USP34: variants seen among roughly 807,000 people sequenced by gnomAD.
The protein encoded by USP34 is ubiquitin specific peptidase 34.
Under a neutral mutation model 460.3 loss-of-function variants are expected in USP34, and 70 were observed. The observed-to-expected ratio is 0.15, with a 90% CI of 0.13 to 0.19. USP34 has a LOEUF of 0.19. USP34 is among the 10% of genes least tolerant of loss of function. USP34 has a pLI of 1.00. For missense variants in USP34, 3,985 were observed against 4,236.2 expected (o/e 0.94, Z 1.65); for synonymous variants, 1,647 against 1,405.3 (o/e 1.17, Z -3.85).
intron 34 of USP34, among the ~76,000 whole-genome samples, chr2:61,287,179 GA>G (rs747952450): frequency 6.6e-6 from 1 of 152,072 alleles, no homozygotes; most frequent in Non-Finnish European, 1.5e-5. Context: ...TTCCAAAAAG[GA>G]AATCTGCTTC....
intron 53 of USP34, among the ~76,000 whole-genome samples, chr2:61,240,163 G>A (rs1688210653): frequency 6.6e-6 from 1 of 152,018 alleles, no homozygotes; most frequent in South Asian, 2.1e-4. Context: ...GTTTTTGGCT[G>A]ACTGAATTCC....
chr2:61,233,853 A>G (rs1185439199), intron 57 of USP34, among the ~76,000 whole-genome samples: 2 of 152,080 alleles, frequency 1.3e-5, no homozygotes, highest in African/African-American at 4.8e-5. Context: ...TAAAAAAAAA[A>G]AAAAAAGTTA....
chr2:61,244,098 A>G (rs1053252303), intron 51 of USP34, among the ~76,000 whole-genome samples: 1 of 152,100 alleles, frequency 6.6e-6, no homozygotes, highest in Non-Finnish European at 1.5e-5. Context: ...CTTTCGGCTA[A>G]GATCAACTAT....
At chr2:61,233,240 A>G (rs1378043502) in intron 57 of USP34, among the ~76,000 whole-genome samples, 2 of 152,146 alleles carry the variant, frequency 1.3e-5, no homozygotes, top group Non-Finnish European at 2.9e-5. Flanking sequence ...AGCACTTGAG[A>G]AACTCTGGAT....
chr2:61,440,759 C>G (rs1159242602), intron 1 of USP34, among the ~76,000 whole-genome samples: 1 of 151,756 alleles, frequency 6.6e-6, no homozygotes, highest in African/African-American at 2.4e-5. Context: ...CTCAGGCAAT[C>G]CGCCTGCCTT....
Position 61,406,055 on chromosome 2 carries a change from A to T in USP34, c.205T>A (p.Leu69Ile). ...FNQVVCALIN[L>I]VIAQVQVLRD... The stretch of plus-strand genomic sequence containing the variant: ...AGCACTTGAACTTGGGCAATCACTA[A>T]GTTAATAAGTGCACACACTACTTGA... Residue 69 changes from leucine (L) to isoleucine (I), a missense_variant, in exon 3 of 80, where the codon TTA becomes ATA. Leu to Ile is a conservative substitution (Grantham distance 5). This residue lies in a region of USP34 where 331 missense variants were observed against 293.7 expected (regional missense o/e 1.13). Transcript: ENST00000398571. 1 of 1,613,864 alleles carries T rather than the reference A, an allele frequency of 6.2e-7. No individual in the cohort carries two copies. The highest frequency in any genetic ancestry group is 1.3e-5 in the African/African-American group (1 of 74,962).
chr2:61,229,749 T>C, intron 58 of USP34, 116 bp from the exon 59 acceptor site: 1 of 820,048 alleles, frequency 1.2e-6, no homozygotes. Flanking sequence ...AAGATTATCT[T>C]GGTATTCTGG....
chr2:61,444,611 T>C lies in USP34; in HGVS notation c.44-23778A>G, dbSNP rs553641348. Among the ~76,000 whole-genome samples, 24 of 152,240 alleles carry C rather than the reference T, an allele frequency of 1.6e-4. No homozygotes were observed. In the South Asian group the frequency reaches 4.8e-3, roughly 30 times the overall value. On this transcript the variant is annotated intron_variant, in intron 1 of 79. Transcript: ENST00000398571. ...AAAATCAGATGCGGACTTGTCATAGTTAACTACTGAAGACAAAAACAAAGA... is the reference window on the plus strand; with the variant it reads ...AAAATCAGATGCGGACTTGTCATAGCTAACTACTGAAGACAAAAACAAAGA...
In USP34 at chr2:61,204,399, A is replaced by G. The variant is rs1687057967; in HGVS notation, c.9260-19T>C. On this transcript the variant is annotated intron_variant, in intron 73 of 79. Coordinates refer to ENST00000398571, the MANE Select transcript of USP34 (RefSeq NM_014709.4). ...AGAGACACTAAGATATTAAAAGTGT[A>G]CAGTAAGAATAAATGGAAAAAATAA... 2 of 1,613,996 alleles carry G rather than the reference A, an allele frequency of 1.2e-6. No individual in the cohort carries two copies. The highest frequency in any genetic ancestry group is 2.7e-5 in the African/African-American group (2 of 75,048).
At chr2:61,385,165 T>C (rs1693098259) in intron 5 of USP34, among the ~76,000 whole-genome samples, 1 of 152,098 alleles carries the variant, frequency 6.6e-6, no homozygotes, top group Admixed American at 6.6e-5. Flanking sequence ...ATATCATGTG[T>C]CTAGGAGTAA....
intron 61 of USP34, 124 bp from the exon 62 acceptor site, chr2:61,227,342 A>T: frequency 9.5e-7 from 1 of 1,057,432 alleles, no homozygotes; most frequent in East Asian, 2.6e-5. Flanking sequence ...AAACAACTGC[A>T]CAAAGACCTA....
intron 3 of USP34, among the ~76,000 whole-genome samples, chr2:61,402,280 T>C (rs990395244): frequency 6.6e-6 from 1 of 152,036 alleles, no homozygotes; most frequent in South Asian, 2.1e-4. Flanking sequence ...ACCCTGTCTC[T>C]TAAGGGGAAA....
chr2:61,229,256 A>G (rs1481673682), intron 59 of USP34, among the ~76,000 whole-genome samples: 2 of 3,334 alleles, frequency 6.0e-4, no homozygotes, highest in Non-Finnish European at 8.2e-4. Context: ...ATTATTACAG[A>G]TTATTTTTTA....
rs762461093 is a variant in USP34 at position 61,263,486 on chromosome 2, C to CTT, written c.5778+1909_5778+1910dup. 5.2e-4 allele frequency among the ~76,000 whole-genome samples: 71 copies of CTT among 137,654 alleles called. 1 individual carries two copies. Among genetic ancestry groups the CTT allele is most frequent in the African/African-American group, 1.5e-3 (57 of 37,666 alleles). 90.3% of individuals were successfully genotyped at this position (137,654 alleles called of 152,430 possible). A position where few individuals can be genotyped will look rare whatever the true frequency, so the allele number is the denominator to read the frequency against. On this transcript the variant is annotated intron_variant, in intron 43 of 79. Transcript: ENST00000398571. ...GTGAGCTACTGCGCCTGGCCAAAGGCTTTTTTTTTTTTTGAGACAAAGTCT... is the reference window on the plus strand; with the variant it reads ...GTGAGCTACTGCGCCTGGCCAAAGGCTTTTTTTTTTTTTTTGAGACAAAGTCT...
chr2:61,343,681 A>G, intron 16 of USP34, 134 bp downstream of exon 16: 1 of 879,072 alleles, frequency 1.1e-6, no homozygotes, highest in African/African-American at 1.7e-5. Context: ...AAAAAAAAAA[A>G]CTACCATATG....
At chr2:61,333,352 C>G (rs1001870396) in intron 19 of USP34, among the ~76,000 whole-genome samples, 1 of 152,056 alleles carries the variant, frequency 6.6e-6, no homozygotes, top group Non-Finnish European at 1.5e-5. Flanking sequence ...TTGAACATAA[C>G]TAATCCAAAA....
intron 76 of USP34, among the ~76,000 whole-genome samples, 197 bp downstream of exon 76, chr2:61,192,704 A>C (rs948365945): frequency 3.3e-5 from 5 of 152,230 alleles, no homozygotes; most frequent in African/African-American, 1.2e-4. Flanking sequence ...ATAGAAATCT[A>C]CTTAAGTTAA....
At chr2:61,405,641 A>G (rs1693849243) in intron 3 of USP34, 67 bp downstream of exon 3, 2 of 1,331,798 alleles carry the variant, frequency 1.5e-6, no homozygotes, top group African/African-American at 1.5e-5. Context: ...CATATTTATC[A>G]GTAAGAAACA....
chr2:61,266,217 T>C, intron 41 of USP34, 50 bp from the exon 42 acceptor site: 2 of 1,520,918 alleles, frequency 1.3e-6, no homozygotes, highest in Non-Finnish European at 1.8e-6. Flanking sequence ...TTAATTACAT[T>C]CCAAATATAG....
Sources: allele counts gnomAD v4.1 joint callset (sites outside exome capture counted in the v4.1 genomes callset), GRCh38; gene constraint gnomAD v4.1.1; regional missense constraint gnomAD v4.1.1; transcripts MANE v1.5; gene names NCBI Gene and HGNC (gene_info 2026-07-23, HGNC 2026-07-21).